The following PLA2G4D variants were observed in gnomAD, a reference collection of about 807,000 sequenced individuals.
PLA2G4D encodes cytosolic phospholipase A2 delta.
PLA2G4D carries 80 observed loss-of-function variants against 94.4 expected under a neutral mutation model. That is an observed-to-expected ratio of 0.85 (90% CI 0.71 to 1.02). The LOEUF is 1.02. Among genes scored for constraint, PLA2G4D ranks in the 50% least tolerant of loss-of-function variants. The probability of loss-of-function intolerance (pLI) is 0.00; values close to 1 mark genes in which losing one functional copy is unlikely to be tolerated. For missense variants in PLA2G4D, 1,050 were observed against 1,034.7 expected (o/e 1.01, Z -0.20); for synonymous variants, 438 against 440.9 (o/e 0.99, Z 0.08).
chr15:42,071,353 C>T, intron 16 of PLA2G4D, 36 bp from the exon 17 acceptor site: 8 of 1,571,150 alleles, frequency 5.1e-6, no homozygotes, highest in Non-Finnish European at 6.9e-6. Context: ...TCCCTTCTTC[C>T]CCTTACTTCT....
rs530829424 is a variant in PLA2G4D at position 42,088,143 on chromosome 15, G to A, written c.46-443C>T. ...GCCCACCCCTCAGCCCTTCCGGACG[G>A]GAAGCAGGCATATGACTTAAGGGAG... On this transcript the variant is annotated intron_variant, in intron 1 of 19. Coordinates refer to ENST00000290472, the MANE Select transcript of PLA2G4D (RefSeq NM_178034.4). 9.8e-5 allele frequency among the ~76,000 whole-genome samples: 15 copies of A among 152,318 alleles called. No homozygotes were observed. The East Asian group carries it at 2.3e-3, about 23-fold the overall frequency.
In PLA2G4D at chr15:42,070,007, C is replaced by A; in HGVS notation, c.2132G>T (p.Arg711Met). 1.3e-6 allele frequency: 2 copies of A among 1,501,416 alleles called. No homozygotes were observed. The highest frequency in any genetic ancestry group is 1.8e-6 in the Non-Finnish European group (2 of 1,127,920). 93.0% of individuals were successfully genotyped at this position (1,501,416 alleles called of 1,614,324 possible). Reference protein sequence around the residue: ...EPSPQDQHQPRECHLFSDPAC... With the variant: ...EPSPQDQHQPMECHLFSDPAC... ...GGGGTCTGAGAAGAGGTGGCATTCC[C>A]TTGGCTGGTGCTGGTCCTGAGGGCT... is the stretch of plus-strand genomic sequence containing the variant. Residue 711 changes from arginine (R) to methionine (M), a missense_variant, in exon 19 of 20, where the codon AGG (arginine) becomes ATG (methionine). Arg to Met is a moderately conservative substitution (Grantham distance 91). Transcript: ENST00000290472.
rs1890100331 is a variant in PLA2G4D, at chr15:42,084,395, T to C, written c.472-616A>G. 6.6e-6 allele frequency among the ~76,000 whole-genome samples: 1 copy of C among 152,202 alleles called. No homozygotes were observed. The highest frequency in any genetic ancestry group is 1.5e-5 in the Non-Finnish European group (1 of 68,024). On this transcript the variant is annotated intron_variant, in intron 6 of 19. Transcript: ENST00000290472. This position sits in a 1 kb window ranked among gnomAD's most constrained non-coding sequence, Gnocchi z 4.8. ...AGAGGCAGTGCCATCGGCTTGACTT[T>C]ATTTTCATGTGTATTTTTAAAAGTA...
At chr15:42,094,268 C>T (rs1890298396) in intron 1 of PLA2G4D, 147 bp downstream of exon 1, 3 of 875,402 alleles carry the variant, frequency 3.4e-6, no homozygotes, top group Middle Eastern at 2.3e-4. Flanking sequence ...TCACCCACCC[C>T]ACCCACTCTG....
In PLA2G4D at chr15:42,085,456, C is replaced by T. The variant is rs76871585; in HGVS notation, c.428+35G>A. 3.9e-3 allele frequency: 6,238 copies of T among 1,612,650 alleles called. 219 individuals are homozygous for T. In the African/African-American group the frequency reaches 0.073, roughly 19 times the overall value. On this transcript the variant is annotated intron_variant, in intron 5 of 19. Coordinates refer to ENST00000290472, the MANE Select transcript of PLA2G4D (RefSeq NM_178034.4). ...GGGCCATTTCCTCAGAGCCTGAGTC[C>T]TGAGACACTCCCTGGGCTGTGTGAC...
At chr15:42,086,417 A>G (rs1890150216) in intron 3 of PLA2G4D, 73 bp from the exon 4 acceptor site, 2 of 1,490,566 alleles carry the variant, frequency 1.3e-6, no homozygotes, top group East Asian at 2.3e-5. Flanking sequence ...TTGAGCCCTT[A>G]CTTGATGTCT....
At position 42,068,279 on chromosome 15, in the gene PLA2G4D, A is replaced by C. The variant is rs1889722785; in HGVS notation, c.*436T>G. Reference sequence around the variant, plus strand: ...CAAAGAGGAGAAGGACAAGGAGAGGAGGAGGTGGAGGAGCAGGAAGAAGAT... The same window carrying C: ...CAAAGAGGAGAAGGACAAGGAGAGGCGGAGGTGGAGGAGCAGGAAGAAGAT... On this transcript the variant is annotated 3_prime_UTR_variant, in exon 20 of 20. Transcript: ENST00000290472. 1 of 160,728 alleles carries C rather than the reference A, an allele frequency of 6.2e-6. No homozygotes were observed. Among genetic ancestry groups the C allele is most frequent in the African/African-American group, 2.4e-5 (1 of 41,618 alleles). 10.0% of individuals were successfully genotyped at this position (160,728 alleles called of 1,614,324 possible). A position where few individuals can be genotyped will look rare whatever the true frequency, so the allele number is the denominator to read the frequency against.
chr15:42,071,672 C>CCCCCCAA, intron 15 of PLA2G4D, 102 bp downstream of exon 15: 2 of 1,301,984 alleles, frequency 1.5e-6, no homozygotes, highest in Non-Finnish European at 1.1e-6. Flanking sequence ...CGCCACCCCT[C>CCCCCCAA]CCCCTTGTCC....
chr15:42,088,691 GCA>G (rs1486653693), intron 1 of PLA2G4D, among the ~76,000 whole-genome samples: 1 of 152,184 alleles, frequency 6.6e-6, no homozygotes, highest in Admixed American at 6.5e-5. Context: ...TGTTGGCCTT[GCA>G]TCCTCTTGGA....
chr15:42,080,593 ATTAAG>A lies in PLA2G4D; in HGVS notation c.1094+399_1094+403del, dbSNP rs200885253. ...TTAGGAATTCCTGGCTGTGCTGGGC[ATTAAG>A]TTAAGTGCTTTACTTGGGTGATCCC... On this transcript the variant is annotated intron_variant, in intron 12 of 19. Transcript: ENST00000290472. Among the ~76,000 whole-genome samples, 844 of 152,334 alleles carry A rather than the reference ATTAAG, an allele frequency of 5.5e-3. 7 individuals carry two copies. Among genetic ancestry groups the A allele is most frequent in the African/African-American group, 0.019 (807 of 41,572 alleles).
chr15:42,076,676 A>G (rs1358951269), intron 13 of PLA2G4D, among the ~76,000 whole-genome samples: 2 of 152,250 alleles, frequency 1.3e-5, no homozygotes, highest in Non-Finnish European at 2.9e-5. Context: ...TGTTCCTTTC[A>G]CACCCCATAG....
Position 42,082,403 on chromosome 15 carries a change from A to ATCAT in PLA2G4D, c.673-18_673-15dup, listed in dbSNP as rs58062429. 0.05 allele frequency: 78,799 copies of ATCAT among 1,567,910 alleles called. 2,283 individuals are homozygous for ATCAT. Among genetic ancestry groups the ATCAT allele is most frequent in the Middle Eastern group, 0.085 (507 of 5,974 alleles). On this transcript the variant is annotated splice_polypyrimidine_tract_variant and intron_variant, in intron 8 of 19. Transcript: ENST00000290472. Reference sequence around the variant, plus strand: ...GCTTCTGGAGCTCTGAAGGGAAAGCATCATTCATTCATTCATTCATTCATT... The same window carrying ATCAT: ...GCTTCTGGAGCTCTGAAGGGAAAGCATCATTCATTCATTCATTCATTCATTCATT...
chr15:42,090,342 T>C (rs1374627277), intron 1 of PLA2G4D, among the ~76,000 whole-genome samples: 1 of 152,242 alleles, frequency 6.6e-6, no homozygotes, highest in Non-Finnish European at 1.5e-5. Context: ...GCACTGTGAA[T>C]GTTGCAGATA....
chr15:42,086,510 T>A (rs541572547), intron 3 of PLA2G4D, among the ~76,000 whole-genome samples, 166 bp from the exon 4 acceptor site: 7 of 151,972 alleles, frequency 4.6e-5, no homozygotes, highest in African/African-American at 1.7e-4. Context: ...TATAAGGAAA[T>A]CTTATTAAAT....
At position 42,087,513 on chromosome 15, in the gene PLA2G4D, A is replaced by C. The variant is rs986355037; in HGVS notation, c.119-77T>G. On this transcript the variant is annotated intron_variant, in intron 2 of 19. Transcript: ENST00000290472. ...CATGAGCCATGCCAGTTTCCTACCA[A>C]GACCCTGGCGGTCACCGCAGGTGAC... is the stretch of plus-strand genomic sequence containing the variant. The C allele has an allele frequency of 1.9e-6, 3 of 1,607,816 alleles. No homozygotes were observed. In the African/African-American group the frequency reaches 4.0e-5, roughly 21 times the overall value.
intron 7 of PLA2G4D, 26 bp from the exon 8 acceptor site, chr15:42,083,360 A>C (rs1890079639): frequency 1.2e-6 from 2 of 1,603,246 alleles, no homozygotes; most frequent in Middle Eastern, 1.7e-4. Flanking sequence ...GCGGGTTAGC[A>C]TGAGAACAAG....
Position 42,075,577 on chromosome 15 carries a change from G to T in PLA2G4D, c.1318-3185C>A, listed in dbSNP as rs567488660. On this transcript the variant is annotated intron_variant, in intron 13 of 19. Transcript: ENST00000290472. ...AACATTTATTGCAAAACATGACTAG[G>T]TGATTCTATCATATAATTACAACAG... Among the ~76,000 whole-genome samples the T allele has an allele frequency of 4.6e-5, 7 of 152,216 alleles. No individual in the cohort carries two copies. The South Asian group carries it at 1.4e-3, about 32-fold the overall frequency.
At chr15:42,083,673 C>G in intron 7 of PLA2G4D, 43 bp downstream of exon 7, 2 of 1,609,270 alleles carry the variant, frequency 1.2e-6, no homozygotes, top group African/African-American at 2.7e-5. Context: ...TCCTCACCCC[C>G]ACATCCAGGC....
Position 42,070,849 on chromosome 15 carries a change from G to A in PLA2G4D, c.1911C>T (p.Thr637=). Residue 637 remains threonine, a synonymous_variant, in exon 18 of 20, where the codon ACC becomes ACT. Transcript: ENST00000290472. ...CCAGGCAGAGCCGGGGCTCCTTGGG[G>A]GTCAGCTGGCTGGGCATGGAGTCAA... The part of the protein sequence containing the change: ...YQLDSMPSQL[T]PKEPRLCLVD... 2 of 1,612,026 alleles carry A rather than the reference G, an allele frequency of 1.2e-6. No homozygotes were observed. Among genetic ancestry groups the A allele is most frequent in the Non-Finnish European group, 1.7e-6 (2 of 1,179,198 alleles).
Sources: allele counts gnomAD v4.1 joint callset (sites outside exome capture counted in the v4.1 genomes callset), GRCh38; gene constraint gnomAD v4.1.1; non-coding constraint Gnocchi (gnomAD v3.1); transcripts MANE v1.5; gene names NCBI Gene and HGNC (gene_info 2026-07-23, HGNC 2026-07-21).